Variants in LPAR1 observed in about 807,000 individuals in gnomAD.
The protein encoded by LPAR1 is LPA receptor 1.
A neutral mutation model predicts 23.8 loss-of-function variants in LPAR1; 5 were observed. The observed-to-expected ratio is 0.21, with a 90% CI of 0.11 to 0.44. The LOEUF is 0.44. LPAR1 is among the 20% of genes least tolerant of loss of function. The pLI, the probability that LPAR1 is intolerant of heterozygous loss-of-function variation, is 0.99. For synonymous variants in LPAR1, 160 were observed against 164.7 expected (o/e 0.97, Z 0.22); for missense variants, 311 against 482.8 (o/e 0.64, Z 3.33).
chr9:110,917,257 G>A (rs1019528777), intron 5 of LPAR1, among the ~76,000 whole-genome samples: 2 of 152,040 alleles, frequency 1.3e-5, no homozygotes, highest in Admixed American at 6.6e-5. Context: ...GCTGGGGAAG[G>A]AGCATCACTT....
At chr9:110,890,695 T>C (rs947524898) in intron 5 of LPAR1, among the ~76,000 whole-genome samples, 6 of 152,212 alleles carry the variant, frequency 3.9e-5, no homozygotes, top group Admixed American at 6.5e-5. Context: ...AATAACTGTA[T>C]AGACCAGTCA....
intron 5 of LPAR1, among the ~76,000 whole-genome samples, chr9:110,890,726 T>A (rs1336393351): frequency 6.6e-6 from 1 of 152,250 alleles, no homozygotes; most frequent in Non-Finnish European, 1.5e-5. Flanking sequence ...TATAATTGAA[T>A]CTGACATTAT....
intron 5 of LPAR1, chr9:110,903,199 G>T (rs2089924109): frequency 6.6e-6 from 1 of 152,054 alleles, no homozygotes. Flanking sequence ...AGATGAAACA[G>T]AAGAAGAACT....
Position 110,911,420 on chromosome 9 carries a change from G to A in LPAR1, c.793+30001C>T, listed in dbSNP as rs562083226. ...AAGCCAGGCATGGTGGTTCACACCT[G>A]TGGCCCAGCTACTTGGGAGGCTGAG... On this transcript the variant is annotated intron_variant, in intron 5 of 5. Coordinates refer to ENST00000683809, the MANE Select transcript of LPAR1 (RefSeq NM_001351411.2). Among the ~76,000 whole-genome samples, 37 of 152,178 alleles carry A rather than the reference G, an allele frequency of 2.4e-4. No homozygotes were observed. The South Asian group carries it at 7.3e-3, about 30-fold the overall frequency.
At chr9:111,038,755 G>C (rs575127571), upstream of LPAR1, 1 of 409,960 alleles carries the variant, frequency 2.4e-6, no homozygotes, top group Non-Finnish European at 4.8e-6. This position sits in a 1 kb window ranked among gnomAD's most constrained non-coding sequence, Gnocchi z 4.4. Context: ...GGTGGCCTTA[G>C]CCTCCCATTC....
At chr9:111,017,622 T>A (rs1315872466) in intron 2 of LPAR1, among the ~76,000 whole-genome samples, 2 of 152,258 alleles carry the variant, frequency 1.3e-5, no homozygotes, top group East Asian at 3.8e-4. Context: ...TCTTTGCTAT[T>A]CATTTTTAGA....
At chr9:110,996,945 C>G (rs1041270082) in intron 2 of LPAR1, among the ~76,000 whole-genome samples, 2 of 152,188 alleles carry the variant, frequency 1.3e-5, no homozygotes, top group Non-Finnish European at 2.9e-5. Flanking sequence ...CTCCTCTCAG[C>G]TGGAATTCAT....
intron 5 of LPAR1, among the ~76,000 whole-genome samples, chr9:110,898,450 T>C (rs2087276772): frequency 6.6e-6 from 1 of 152,194 alleles, no homozygotes; most frequent in Non-Finnish European, 1.5e-5. Context: ...TCCATCCACC[T>C]ACCCATCCTT....
chr9:110,879,948 GAGA>G (rs1178776323), intron 5 of LPAR1, among the ~76,000 whole-genome samples: 8 of 152,160 alleles, frequency 5.3e-5, no homozygotes, highest in Non-Finnish European at 1.0e-4. Flanking sequence ...GGGAGGTAAG[GAGA>G]AGAAGACAGC....
Position 110,943,068 on chromosome 9 carries a change from TA to T in LPAR1, c.46-901del, listed in dbSNP as rs553796166. On this transcript the variant is annotated intron_variant, in intron 4 of 5. Transcript: ENST00000683809. ...ATTGAGACAGTTTAAAACAGAATAATATATGTTTATTTATCTATCATAATAT... is the reference window on the plus strand; with the variant it reads ...ATTGAGACAGTTTAAAACAGAATAATTATGTTTATTTATCTATCATAATAT... 6.6e-3 allele frequency among the ~76,000 whole-genome samples: 976 copies of T among 147,660 alleles called. 11 individuals carry two copies. Among genetic ancestry groups the T allele is most frequent in the African/African-American group, 0.023 (931 of 40,814 alleles).
rs1473584808 is a variant in LPAR1, at chr9:110,987,718, C to T, written c.-181-14160G>A. Among the ~76,000 whole-genome samples the T allele has an allele frequency of 4.0e-5, 6 of 151,474 alleles. No individual in the cohort carries two copies. In the East Asian group the frequency reaches 1.2e-3, roughly 29 times the overall value. On this transcript the variant is annotated intron_variant, in intron 2 of 5. Coordinates refer to ENST00000683809, the MANE Select transcript of LPAR1 (RefSeq NM_001351411.2). The stretch of plus-strand genomic sequence containing the variant: ...GTTGGCCCTCCATACCTGTGGGGTT[C>T]GCATACCATGAATACTATATTTCTG...
At chr9:110,977,834 GGGAAGGAAGGAGGGAAGGAA>G (rs1564227815) in intron 2 of LPAR1, among the ~76,000 whole-genome samples, 111 of 108,612 alleles carry the variant, frequency 1.0e-3, no homozygotes, top group East Asian at 4.4e-3. Context: ...GAGGGAGGGA[GGGAAGGAAGGAGGGAAGGAA>G]GGAAGGAAGG....
chr9:110,977,996 T>C (rs2096595994), intron 2 of LPAR1, among the ~76,000 whole-genome samples: 1 of 152,100 alleles, frequency 6.6e-6, no homozygotes, highest in South Asian at 2.1e-4. Context: ...GAGAAAAATC[T>C]AAATCCACCA....
Position 110,942,117 on chromosome 9 carries a change from A to T in LPAR1, c.97T>A (p.Phe33Ile). 1 of 1,614,156 alleles carries T rather than the reference A, an allele frequency of 6.2e-7. No homozygotes were observed. The stretch of plus-strand genomic sequence containing the variant: ...AGATGCTTTCCACTTCGGTTATAAA[A>T]GAAGGCAATGGACTCGTTGTAGAAG... ...QCFYNESIAF[F>I]YNRSGKHLAT... The change falls in exon 5 of 6, where the codon TTT (phenylalanine) becomes ATT (isoleucine). Residue 33 changes from phenylalanine to isoleucine, a missense_variant. Physicochemically the swap from Phe to Ile is conservative, Grantham distance 21. Coordinates refer to ENST00000683809, the MANE Select transcript of LPAR1 (RefSeq NM_001351411.2).
intron 2 of LPAR1, among the ~76,000 whole-genome samples, chr9:110,986,534 G>T (rs374127854): frequency 5.2e-4 from 79 of 151,420 alleles, no homozygotes; most frequent in Non-Finnish European, 9.4e-4. Context: ...GTGAAACTCT[G>T]TCTCCACAAA....
At chr9:110,997,642 T>C (rs899433892) in intron 2 of LPAR1, among the ~76,000 whole-genome samples, 6 of 152,160 alleles carry the variant, frequency 3.9e-5, no homozygotes, top group Non-Finnish European at 7.3e-5. Flanking sequence ...AAACTAGACA[T>C]CTGTATTTTT....
rs1564386422 is a variant in LPAR1 at position 110,892,826 on chromosome 9, A to AGGCAGGC, written c.794-17105_794-17104insGCCTGCC. 2.2e-3 allele frequency among the ~76,000 whole-genome samples: 143 copies of AGGCAGGC among 65,404 alleles called. 2 individuals carry two copies. The highest frequency in any genetic ancestry group is 7.5e-3 in the African/African-American group (93 of 12,344). The allele number at this position is 65,404 out of a possible 152,430, so 42.9% of individuals were successfully genotyped here. On this transcript the variant is annotated intron_variant, in intron 5 of 5. Transcript: ENST00000683809. ...GAAGGAAGGAAGGAAGGAAGGAAGG[A>AGGCAGGC]AGGCAGGCAGGCAGGCAGGCAGGCA... is the stretch of plus-strand genomic sequence containing the variant.
intron 2 of LPAR1, among the ~76,000 whole-genome samples, chr9:111,013,779 T>C (rs951520549): frequency 6.6e-6 from 1 of 152,068 alleles, no homozygotes; most frequent in African/African-American, 2.4e-5. Flanking sequence ...ATCTAGTAAA[T>C]TTCCCCAACC....
chr9:111,004,439 C>G (rs1564312721), intron 2 of LPAR1, among the ~76,000 whole-genome samples: 1 of 152,134 alleles, frequency 6.6e-6, no homozygotes, highest in Non-Finnish European at 1.5e-5. Flanking sequence ...AGAAACTGTG[C>G]TTATTGCTTT....
Sources: gnomAD v4.1 joint callset for allele counts (sites outside exome capture counted in the v4.1 genomes callset) on GRCh38, gnomAD v4.1.1 for gene constraint, Gnocchi (gnomAD v3.1) non-coding constraint, MANE v1.5 for transcripts, NCBI Gene and HGNC (gene_info 2026-07-23, HGNC 2026-07-21) for gene names.